KIF23: variants seen among roughly 807,000 people sequenced by gnomAD.
KIF23 encodes the protein kinesin family member 23.
A neutral mutation model predicts 137.5 loss-of-function variants in KIF23; 30 were observed. The ratio of observed to expected loss-of-function variants is 0.22; its 90% CI spans 0.16 to 0.30. The LOEUF (loss-of-function observed/expected upper bound fraction) is 0.30. Ranked by LOEUF, KIF23 falls within the 10% of genes least tolerant of loss-of-function variation. KIF23 has a pLI of 1.00. For synonymous variants in KIF23, 367 were observed against 391.1 expected (o/e 0.94, Z 0.73); for missense variants, 920 against 1,194.3 (o/e 0.77, Z 3.38).
intron 3 of KIF23, 29 bp from the exon 4 acceptor site, chr15:69,421,618 A>T: frequency 7.4e-7 from 1 of 1,353,584 alleles, no homozygotes; most frequent in Non-Finnish European, 1.1e-6. Flanking sequence ...GTGGAATTCT[A>T]TTTAGTGCAT....
At chr15:69,437,253 T>C (rs1184779994) in intron 15 of KIF23, among the ~76,000 whole-genome samples, 2 of 152,160 alleles carry the variant, frequency 1.3e-5, no homozygotes, top group East Asian at 3.8e-4. Flanking sequence ...AAGAAAAAAG[T>C]GAGCGTGTGT....
chr15:69,441,944 TAG>T (rs1198060630), intron 19 of KIF23, among the ~76,000 whole-genome samples: 1 of 152,020 alleles, frequency 6.6e-6, no homozygotes, highest in African/African-American at 2.4e-5. Context: ...TTATTTTCAG[TAG>T]AGACAAGGTC....
At chr15:69,438,873 G>A (rs1258456241) in intron 16 of KIF23, among the ~76,000 whole-genome samples, 1 of 152,088 alleles carries the variant, frequency 6.6e-6, no homozygotes, top group East Asian at 1.9e-4. Flanking sequence ...GGAGGCCAAG[G>A]CAGGGAGATC....
rs562829958 is a variant in KIF23, at chr15:69,417,693, A to G, written c.210+182A>G. 2.3e-4 allele frequency among the ~76,000 whole-genome samples: 35 copies of G among 152,352 alleles called. 1 individual carries two copies. Among genetic ancestry groups the G allele is most frequent in the African/African-American group, 7.2e-4 (30 of 41,592 alleles). ...TGGGATGCACAGACATACCTTTGGT[A>G]TGCTGGGGTTAGAGGATTGCTTTTA... On this transcript the variant is annotated intron_variant, in intron 3 of 23. Coordinates refer to ENST00000679126, the MANE Select transcript of KIF23 (RefSeq NM_001367805.3).
At position 69,447,945 on chromosome 15, in the gene KIF23, C is replaced by G. The variant is rs763191007; in HGVS notation, c.*138C>G. ...TCACGGACCTCAGCTACATCATACA[C>G]TGACCCAGAGCAAAGCTTTCCCTAT... is the stretch of plus-strand genomic sequence containing the variant. On this transcript the variant is annotated 3_prime_UTR_variant, in exon 24 of 24. Transcript: ENST00000679126. 1 of 719,408 alleles carries G rather than the reference C, an allele frequency of 1.4e-6. No homozygotes were observed. 44.6% of individuals were successfully genotyped at this position (719,408 alleles called of 1,614,324 possible).
chr15:69,414,556 A>AGGG, intron 1 of KIF23, 80 bp downstream of exon 1: 1 of 1,379,956 alleles, frequency 7.2e-7, no homozygotes, highest in South Asian at 1.6e-5. Context: ...GTCTCCACTC[A>AGGG]GGCCGCGGCC....
At chr15:69,416,230 G>T (rs1444717114) in intron 2 of KIF23, among the ~76,000 whole-genome samples, 167 bp downstream of exon 2, 2 of 152,224 alleles carry the variant, frequency 1.3e-5, no homozygotes, top group Non-Finnish European at 2.9e-5. Flanking sequence ...AGTGCTAGCT[G>T]TGAAATTTTC....
Position 69,444,768 on chromosome 15 carries a change from C to T in KIF23, c.2422-22C>T. 1.2e-6 allele frequency: 2 copies of T among 1,607,806 alleles called. No homozygotes were observed. Among genetic ancestry groups the T allele is most frequent in the African/African-American group, 1.3e-5 (1 of 74,924 alleles). ...TTCTAATAATACCCTTAAATTAATTCTGGGTTATGCTTGTTTCTCAGTTAC... is the reference window on the plus strand; with the variant it reads ...TTCTAATAATACCCTTAAATTAATTTTGGGTTATGCTTGTTTCTCAGTTAC... On this transcript the variant is annotated intron_variant, in intron 19 of 23. Transcript: ENST00000679126. This position sits in a 1 kb window ranked among gnomAD's most constrained non-coding sequence, Gnocchi z 4.2.
intron 18 of KIF23, 27 bp downstream of exon 18, chr15:69,440,514 C>G: frequency 6.4e-7 from 1 of 1,569,826 alleles, no homozygotes. Flanking sequence ...TGTGTAGTAA[C>G]TTTGTACTAG....
At chr15:69,436,485 T>C in intron 14 of KIF23, 79 bp from the exon 15 acceptor site, 1 of 1,285,064 alleles carries the variant, frequency 7.8e-7, no homozygotes, top group Non-Finnish European at 1.1e-6. Flanking sequence ...GCACTGGGGC[T>C]GTATGCAGTG....
chr15:69,423,704 C>G (rs1488768042), intron 7 of KIF23, among the ~76,000 whole-genome samples: 1 of 152,140 alleles, frequency 6.6e-6, no homozygotes, highest in African/African-American at 2.4e-5. Context: ...CCACCCGTGT[C>G]TTGGTGATTT....
intron 19 of KIF23, among the ~76,000 whole-genome samples, chr15:69,442,593 C>T (rs2057647352): frequency 6.6e-6 from 1 of 152,194 alleles, no homozygotes; most frequent in Non-Finnish European, 1.5e-5. Flanking sequence ...TCTAAAGTCT[C>T]TTAAGTTCTT....
At chr15:69,423,019 G>A (rs2057098024) in intron 6 of KIF23, 140 bp from the exon 7 acceptor site, 2 of 590,728 alleles carry the variant, frequency 3.4e-6, no homozygotes, top group South Asian at 1.9e-5. Context: ...GGCTGGTCTT[G>A]AGTTCCTGAT....
In KIF23 at chr15:69,421,771, A is replaced by C; in HGVS notation, c.316+19A>C. 7 of 1,538,226 alleles carry C rather than the reference A, an allele frequency of 4.6e-6. No homozygotes were observed. The highest frequency in any genetic ancestry group is 5.4e-6 in the Non-Finnish European group (6 of 1,120,820). ...AAAAATGGTATGATATGACTCTTGGAGTTTTGTTAGATTTTCCTTTTTCTC... is the reference window on the plus strand; with the variant it reads ...AAAAATGGTATGATATGACTCTTGGCGTTTTGTTAGATTTTCCTTTTTCTC... On this transcript the variant is annotated intron_variant, in intron 4 of 23. Transcript: ENST00000679126.
In KIF23 at chr15:69,444,883, G is replaced by T. The variant is rs1371825747; in HGVS notation, c.2515G>T (p.Ala839Ser). The stretch of plus-strand genomic sequence containing the variant: ...AGACAGATGGGTAGATCATAAGCCC[G>T]CCTCTAACATGCAAACTGAAACAGT... ...AGDRWVDHKP[A>S]SNMQTETVMQ... is the part of the protein sequence containing the mutation. Residue 839 changes from alanine to serine, a missense_variant, in exon 20 of 24, where the codon GCC becomes TCC. Ala to Ser is a moderately conservative substitution (Grantham distance 99). Around this residue, in one of 4 missense-constraint regions of KIF23, gnomAD observed 75 missense variants for 177.9 expected, o/e 0.42. Coordinates refer to ENST00000679126, the MANE Select transcript of KIF23 (RefSeq NM_001367805.3). The surrounding 1 kb of genome is among the most constrained non-coding windows in gnomAD (Gnocchi z 4.2). 1 of 1,614,092 alleles carries T rather than the reference G, an allele frequency of 6.2e-7. No individual in the cohort carries two copies. The highest frequency in any genetic ancestry group is 1.7e-5 in the Admixed American group (1 of 60,002).
Position 69,436,621 on chromosome 15 carries a change from T to C in KIF23, c.1496T>C (p.Ile499Thr), listed in dbSNP as rs1046654124. ...TTTCCACCTTTGCCATCATGCGAAA[T>C]TTTGGATATCAACGATGAGCAGACA... Reference protein sequence around the residue: ...QSFPPLPSCEILDINDEQTLP... With the variant: ...QSFPPLPSCETLDINDEQTLP... Residue 499 changes from isoleucine (I) to threonine (T), a missense_variant, in exon 15 of 24, where the codon ATT becomes ACT. Physicochemically the swap from Ile to Thr is moderately conservative, Grantham distance 89. Coordinates refer to ENST00000679126, the MANE Select transcript of KIF23 (RefSeq NM_001367805.3). 1 of 1,612,692 alleles carries C rather than the reference T, an allele frequency of 6.2e-7. No homozygotes were observed. The highest frequency in any genetic ancestry group is 8.5e-7 in the Non-Finnish European group (1 of 1,179,010).
At chr15:69,446,158 C>G (rs538310198) in intron 21 of KIF23, 67 bp downstream of exon 21, 7 of 1,456,094 alleles carry the variant, frequency 4.8e-6, no homozygotes, top group South Asian at 4.6e-5. Context: ...TTTGGAGGAA[C>G]AGAATAGCCT....
chr15:69,434,440 C>A, intron 11 of KIF23: 1 of 456,326 alleles, frequency 2.2e-6, no homozygotes, highest in Non-Finnish European at 4.1e-6. Flanking sequence ...TCTCCCTTCT[C>A]CCTGAAACTT....
At chr15:69,440,596 A>G in intron 18 of KIF23, 109 bp downstream of exon 18, 1 of 1,198,328 alleles carries the variant, frequency 8.3e-7, no homozygotes, top group Non-Finnish European at 1.1e-6. Context: ...CATTTCTGAA[A>G]TTTCTCTAAA....
Sources: allele counts gnomAD v4.1 joint callset (sites outside exome capture counted in the v4.1 genomes callset), GRCh38; gene constraint gnomAD v4.1.1; regional missense constraint gnomAD v4.1.1; non-coding constraint Gnocchi (gnomAD v3.1); transcripts MANE v1.5; gene names NCBI Gene and HGNC (gene_info 2026-07-23, HGNC 2026-07-21).